Variants in TSPYL1 observed in about 807,000 individuals in gnomAD.
TSPYL1 encodes the protein testis-specific Y-encoded-like protein 1.
A neutral mutation model predicts 20.1 loss-of-function variants in TSPYL1; 16 were observed. That is an observed-to-expected ratio of 0.80 (90% CI 0.54 to 1.21). The LOEUF is 1.21. TSPYL1 is among the 50% of genes most tolerant of loss of function. The pLI is 0.00. For missense variants in TSPYL1, 560 were observed against 569.3 expected, an observed-to-expected ratio of 0.98 and a Z score of 0.17; for synonymous variants, 259 against 227.1, an observed-to-expected ratio of 1.14 and a Z score of -1.26.
chr6:116,278,587 C>T lies in TSPYL1; in HGVS notation c.1244G>A (p.Arg415His), dbSNP rs369165300. 6.2e-7 allele frequency: 1 copy of T among 1,614,176 alleles called. No homozygotes were observed. The highest frequency in any genetic ancestry group is 8.5e-7 in the Non-Finnish European group (1 of 1,180,036). ...LQYYLLREGV[R>H]RARRRPLREP... is the part of the protein sequence containing the mutation. ...CCTTAGCGGGCGACGTCGGGCTCTA[C>T]GGACTCCTTCACGCAACAGGTAGTA... The change falls in exon 1 of 1, where the codon CGT (arginine) becomes CAT (histidine). Residue 415 changes from arginine (R) to histidine (H), a missense_variant. By Grantham distance (29) the Arg-to-His change is conservative. Coordinates refer to ENST00000368608, the MANE Select transcript of TSPYL1 (RefSeq NM_003309.4).
Position 116,278,656 on chromosome 6 carries a change from A to AT in TSPYL1, c.1174dup (p.Ile392AsnfsTer3). On this transcript the variant is annotated frameshift_variant, in exon 1 of 1. Coordinates refer to ENST00000368608, the MANE Select transcript of TSPYL1 (RefSeq NM_003309.4). LOFTEE classifies it high-confidence loss of function. Reference sequence around the variant, plus strand: ...CAGATCCTCTTTAATAATCTCAGCAATTTTGTCGGACTCTGGAAGGCTGTG... The same window carrying AT: ...CAGATCCTCTTTAATAATCTCAGCAATTTTTGTCGGACTCTGGAAGGCTGTG... 1.2e-6 allele frequency: 2 copies of AT among 1,614,138 alleles called. No homozygotes were observed. The highest frequency in any genetic ancestry group is 1.7e-6 in the Non-Finnish European group (2 of 1,180,018).
chr6:116,279,066 G>A lies in TSPYL1; in HGVS notation c.765C>T (p.His255=), dbSNP rs370444859. 1.9e-6 allele frequency: 3 copies of A among 1,613,184 alleles called. No individual in the cohort carries two copies. The African/African-American group carries it at 4.0e-5, about 22-fold the overall frequency. ...AGTGTCGACGCATCCGCCCAAACTT[G>A]TGCTCCAGCTGTTGGAAGGCCCTGT... The part of the protein sequence containing the change: ...QADRAFQQLE[H]KFGRMRRHYL... Residue 255 remains histidine, a synonymous_variant, in exon 1 of 1, where the codon CAC becomes CAT. Coordinates refer to ENST00000368608, the MANE Select transcript of TSPYL1 (RefSeq NM_003309.4).
rs775290933 is a variant in TSPYL1, at chr6:116,279,459, G to T, written c.372C>A (p.Gly124=). The change falls in exon 1 of 1, where the codon GGC becomes GGA. Residue 124 remains glycine (G), a synonymous_variant. Coordinates refer to ENST00000368608, the MANE Select transcript of TSPYL1 (RefSeq NM_003309.4). The stretch of plus-strand genomic sequence containing the variant: ...CTAGGGCCTTCTCTCCACCCTGAAC[G>T]CCCTTTTTCAGGCTGCGGTCGGCTG... ...VMAADRSLKK[G]VQGGEKALEI... 4 of 1,613,086 alleles carry T rather than the reference G, an allele frequency of 2.5e-6. No individual in the cohort carries two copies. Among genetic ancestry groups the T allele is most frequent in the African/African-American group, 2.7e-5 (2 of 75,040 alleles).
In TSPYL1 at chr6:116,278,802, T is replaced by C. The variant is rs1347278386; in HGVS notation, c.1029A>G (p.Arg343=). Residue 343 remains arginine (R), a synonymous_variant, in exon 1 of 1, where the codon AGA becomes AGG. Transcript: ENST00000368608. Reference sequence around the variant, plus strand: ...AAAGAGACACCACTCGGCCGGAGGATCTTACCTCATATTCCTTGACAATCA... The same window carrying C: ...AAAGAGACACCACTCGGCCGGAGGACCTTACCTCATATTCCTTGACAATCA... ...NKLIVKEYEV[R]SSGRVVSLST... 1.2e-6 allele frequency: 2 copies of C among 1,614,124 alleles called. No individual in the cohort carries two copies. Among genetic ancestry groups the C allele is most frequent in the Non-Finnish European group, 1.7e-6 (2 of 1,180,020 alleles).
In TSPYL1 at chr6:116,275,217, C is replaced by A. The variant is rs1562195175; in HGVS notation, c.*3300G>T. Among the ~76,000 whole-genome samples the A allele has an allele frequency of 6.6e-6, 1 of 152,286 alleles. No homozygotes were observed. Among genetic ancestry groups the A allele is most frequent in the East Asian group, 1.9e-4 (1 of 5,178 alleles). Reference sequence around the variant, plus strand: ...TGGACAACACACATCTAGAGTCTAACCCCCTTCTATCTCCAGTATAATCAC... The same window carrying A: ...TGGACAACACACATCTAGAGTCTAAACCCCTTCTATCTCCAGTATAATCAC... On this transcript the variant is annotated 3_prime_UTR_variant, in exon 1 of 1. Coordinates refer to ENST00000368608, the MANE Select transcript of TSPYL1 (RefSeq NM_003309.4).
rs900751719 is a variant in TSPYL1, at chr6:116,276,081, A to G, written c.*2436T>C. Among the ~76,000 whole-genome samples the G allele has an allele frequency of 6.6e-6, 1 of 152,224 alleles. No individual in the cohort carries two copies. The highest frequency in any genetic ancestry group is 1.9e-4 in the East Asian group (1 of 5,196). On this transcript the variant is annotated 3_prime_UTR_variant, in exon 1 of 1. Coordinates refer to ENST00000368608, the MANE Select transcript of TSPYL1 (RefSeq NM_003309.4). ...AATAATTATGTTAATTTTCTAGAACAGAGGTCCCTCCAAAGTACACTAAGT... is the reference window on the plus strand; with the variant it reads ...AATAATTATGTTAATTTTCTAGAACGGAGGTCCCTCCAAAGTACACTAAGT...
Position 116,279,887 on chromosome 6 carries a change from T to A in TSPYL1, c.-57A>T. ...CGCCCGTTTTCCTCAGAGGCCGAAC[T>A]GGGAGCTAACCGCCGCTCGCACCGC... On this transcript the variant is annotated 5_prime_UTR_variant, in exon 1 of 1. Coordinates refer to ENST00000368608, the MANE Select transcript of TSPYL1 (RefSeq NM_003309.4). 1 of 1,611,634 alleles carries A rather than the reference T, an allele frequency of 6.2e-7. No homozygotes were observed. Among genetic ancestry groups the A allele is most frequent in the Admixed American group, 1.7e-5 (1 of 60,020 alleles).
chr6:116,276,533 T>C lies in TSPYL1; in HGVS notation c.*1984A>G, dbSNP rs186404405. On this transcript the variant is annotated 3_prime_UTR_variant, in exon 1 of 1. Coordinates refer to ENST00000368608, the MANE Select transcript of TSPYL1 (RefSeq NM_003309.4). ...GTCTATTGTGTCCATTTAAGGACTT[T>C]AATGATTCTGTAATTTTTAGTTAAC... 1 of 152,226 alleles carries C rather than the reference T, an allele frequency of 6.6e-6. No homozygotes were observed. Among genetic ancestry groups the C allele is most frequent in the Admixed American group, 6.5e-5 (1 of 15,292 alleles). The allele number at this position is 152,226 out of a possible 1,614,324, so 9.4% of individuals were successfully genotyped here. A position where few individuals can be genotyped will look rare whatever the true frequency, so the allele number is the denominator to read the frequency against.
In TSPYL1 at chr6:116,278,214, A is replaced by G. The variant is rs753358871; in HGVS notation, c.*303T>C. 2 of 376,896 alleles carry G rather than the reference A, an allele frequency of 5.3e-6. No homozygotes were observed. Among genetic ancestry groups the G allele is most frequent in the Non-Finnish European group, 1.0e-5 (2 of 196,934 alleles). The allele number at this position is 376,896 out of a possible 1,614,324, so 23.3% of individuals were successfully genotyped here. ...AGGCCCTGGGAATAAACAGGGTCCAAGCAGTGCAGATAAAGGCAGTACAAT... is the reference window on the plus strand; with the variant it reads ...AGGCCCTGGGAATAAACAGGGTCCAGGCAGTGCAGATAAAGGCAGTACAAT... On this transcript the variant is annotated 3_prime_UTR_variant, in exon 1 of 1. Transcript: ENST00000368608.
rs1361050954 is a variant in TSPYL1, at chr6:116,276,632, G to T, written c.*1885C>A. On this transcript the variant is annotated 3_prime_UTR_variant, in exon 1 of 1. Coordinates refer to ENST00000368608, the MANE Select transcript of TSPYL1 (RefSeq NM_003309.4). Reference sequence around the variant, plus strand: ...TTTTAATCCATTAAGAACTTTAATGGATTAAAGGACTTTAATGATTCCATA... The same window carrying T: ...TTTTAATCCATTAAGAACTTTAATGTATTAAAGGACTTTAATGATTCCATA... 1 of 151,884 alleles carries T rather than the reference G, an allele frequency of 6.6e-6. No homozygotes were observed. The highest frequency in any genetic ancestry group is 2.4e-5 in the African/African-American group (1 of 41,310). The allele number at this position is 151,884 out of a possible 1,614,324, so 9.4% of individuals were successfully genotyped here. A position where few individuals can be genotyped will look rare whatever the true frequency, so the allele number is the denominator to read the frequency against.
Position 116,279,183 on chromosome 6 carries a change from C to T in TSPYL1, c.648G>A (p.Glu216=), listed in dbSNP as rs763693184. The change falls in exon 1 of 1, where the codon GAG becomes GAA. Residue 216 remains glutamate (E), a synonymous_variant. Transcript: ENST00000368608. ...CATGCAAAGGCCAGGGCCCTTCTTC[C>T]TCCCTCGCCTCCTCCTCCAATCTAT... The part of the protein sequence containing the change: ...EEDRLEEEAR[E]EEGPWPLHEA... 6.2e-7 allele frequency: 1 copy of T among 1,612,048 alleles called. No homozygotes were observed. The highest frequency in any genetic ancestry group is 8.5e-7 in the Non-Finnish European group (1 of 1,179,718).
Position 116,278,044 on chromosome 6 carries a change from A to C in TSPYL1, c.*473T>G, listed in dbSNP as rs1773250663. The C allele has an allele frequency of 5.8e-6, 1 of 172,764 alleles. No homozygotes were observed. Among genetic ancestry groups the C allele is most frequent in the South Asian group, 1.2e-4 (1 of 8,142 alleles). The allele number at this position is 172,764 out of a possible 1,614,324, so 10.7% of individuals were successfully genotyped here. The stretch of plus-strand genomic sequence containing the variant: ...AATGAAGTACCATAAATCACACAGA[A>C]CAAGTGGCTCACTGCTTTTCTCCTC... On this transcript the variant is annotated 3_prime_UTR_variant, in exon 1 of 1. Coordinates refer to ENST00000368608, the MANE Select transcript of TSPYL1 (RefSeq NM_003309.4).
rs975493803 is a variant in TSPYL1, at chr6:116,278,266, A to C, written c.*251T>G. 10 of 502,736 alleles carry C rather than the reference A, an allele frequency of 2.0e-5. No individual in the cohort carries two copies. Among genetic ancestry groups the C allele is most frequent in the Non-Finnish European group, 3.3e-5 (9 of 275,794 alleles). 31.1% of individuals were successfully genotyped at this position (502,736 alleles called of 1,614,324 possible). A position where few individuals can be genotyped will look rare whatever the true frequency, so the allele number is the denominator to read the frequency against. ...TACAGTATCATTTGCTTGGCTTACA[A>C]GTAGTGTGAAGGATGACCTCGTAGC... On this transcript the variant is annotated 3_prime_UTR_variant, in exon 1 of 1. Coordinates refer to ENST00000368608, the MANE Select transcript of TSPYL1 (RefSeq NM_003309.4).
In TSPYL1 at chr6:116,278,223, G is replaced by GATAA. The variant is rs1773258722; in HGVS notation, c.*290_*293dup. 1 of 398,572 alleles carries GATAA rather than the reference G, an allele frequency of 2.5e-6. No homozygotes were observed. Among genetic ancestry groups the GATAA allele is most frequent in the African/African-American group, 2.1e-5 (1 of 48,676 alleles). The allele number at this position is 398,572 out of a possible 1,614,324, so 24.7% of individuals were successfully genotyped here. On this transcript the variant is annotated 3_prime_UTR_variant, in exon 1 of 1. Coordinates refer to ENST00000368608, the MANE Select transcript of TSPYL1 (RefSeq NM_003309.4). ...GAATAAACAGGGTCCAAGCAGTGCA[G>GATAA]ATAAAGGCAGTACAATCTACAGTAT...
At position 116,278,375 on chromosome 6, in the gene TSPYL1, C is replaced by T. The variant is rs1013512558; in HGVS notation, c.*142G>A. The T allele has an allele frequency of 1.9e-6, 2 of 1,055,668 alleles. No homozygotes were observed. Among genetic ancestry groups the T allele is most frequent in the Non-Finnish European group, 2.8e-6 (2 of 708,608 alleles). 65.4% of individuals were successfully genotyped at this position (1,055,668 alleles called of 1,614,324 possible). On this transcript the variant is annotated 3_prime_UTR_variant, in exon 1 of 1. Coordinates refer to ENST00000368608, the MANE Select transcript of TSPYL1 (RefSeq NM_003309.4). ...CGTCTCAATCTTGAGGTTGAGAGAACTGAATATCCAAAGGAAACAGGGTGC... is the reference window on the plus strand; with the variant it reads ...CGTCTCAATCTTGAGGTTGAGAGAATTGAATATCCAAAGGAAACAGGGTGC...
In TSPYL1 at chr6:116,275,058, T is replaced by A. The variant is rs374414316; in HGVS notation, c.*3459A>T. 6.6e-6 allele frequency among the ~76,000 whole-genome samples: 1 copy of A among 152,138 alleles called. No individual in the cohort carries two copies. Among genetic ancestry groups the A allele is most frequent in the Non-Finnish European group, 1.5e-5 (1 of 68,024 alleles). On this transcript the variant is annotated 3_prime_UTR_variant, in exon 1 of 1. Coordinates refer to ENST00000368608, the MANE Select transcript of TSPYL1 (RefSeq NM_003309.4). ...CAACATGCAATCAATATGAAAAAAATTGAGATATTTTAACATTTTTCTTTC... is the reference window on the plus strand; with the variant it reads ...CAACATGCAATCAATATGAAAAAAAATGAGATATTTTAACATTTTTCTTTC...
chr6:116,277,967 A>G lies in TSPYL1; in HGVS notation c.*550T>C, dbSNP rs1185620419. 6.6e-6 allele frequency: 1 copy of G among 152,140 alleles called. No homozygotes were observed. The highest frequency in any genetic ancestry group is 2.4e-5 in the African/African-American group (1 of 41,200). The allele number at this position is 152,140 out of a possible 1,614,324, so 9.4% of individuals were successfully genotyped here. On this transcript the variant is annotated 3_prime_UTR_variant, in exon 1 of 1. Coordinates refer to ENST00000368608, the MANE Select transcript of TSPYL1 (RefSeq NM_003309.4). ...AGGGAGAGAGAGGGACCTTGGCAGGAGCCAATGTAGGGCAGGTAGCAATAG... is the reference window on the plus strand; with the variant it reads ...AGGGAGAGAGAGGGACCTTGGCAGGGGCCAATGTAGGGCAGGTAGCAATAG...
chr6:116,278,374 A>G lies in TSPYL1; in HGVS notation c.*143T>C. On this transcript the variant is annotated 3_prime_UTR_variant, in exon 1 of 1. Transcript: ENST00000368608. The stretch of plus-strand genomic sequence containing the variant: ...CCGTCTCAATCTTGAGGTTGAGAGA[A>G]CTGAATATCCAAAGGAAACAGGGTG... 1.9e-6 allele frequency: 2 copies of G among 1,037,342 alleles called. No homozygotes were observed. Among genetic ancestry groups the G allele is most frequent in the Non-Finnish European group, 2.9e-6 (2 of 692,540 alleles). The allele number at this position is 1,037,342 out of a possible 1,614,324, so 64.3% of individuals were successfully genotyped here. A position where few individuals can be genotyped will look rare whatever the true frequency, so the allele number is the denominator to read the frequency against.
In TSPYL1 at chr6:116,275,048, A is replaced by C. The variant is rs180820388; in HGVS notation, c.*3469T>G. On this transcript the variant is annotated 3_prime_UTR_variant, in exon 1 of 1. Coordinates refer to ENST00000368608, the MANE Select transcript of TSPYL1 (RefSeq NM_003309.4). ...AAAAATATTTCAACATGCAATCAATATGAAAAAAATTGAGATATTTTAACA... is the reference window on the plus strand; with the variant it reads ...AAAAATATTTCAACATGCAATCAATCTGAAAAAAATTGAGATATTTTAACA... Among the ~76,000 whole-genome samples the C allele has an allele frequency of 1.8e-4, 27 of 152,362 alleles. No homozygotes were observed. Among genetic ancestry groups the C allele is most frequent in the African/African-American group, 6.5e-4 (27 of 41,588 alleles).
Sources: gnomAD v4.1 joint callset for allele counts (sites outside exome capture counted in the v4.1 genomes callset) on GRCh38, gnomAD v4.1.1 for gene constraint, MANE v1.5 for transcripts, NCBI Gene and HGNC (gene_info 2026-07-23, HGNC 2026-07-21) for gene names.